Variants in SDK1 observed in about 807,000 individuals in gnomAD.
SDK1 encodes sidekick cell adhesion molecule 1, also known as protein sidekick-1.
SDK1 carries 157 observed loss-of-function variants against 245.5 expected under a neutral mutation model. That is an observed-to-expected ratio of 0.64 (90% CI 0.56 to 0.73). The LOEUF (loss-of-function observed/expected upper bound fraction) is 0.73, where lower values mean the gene tolerates loss of function less well. Among genes scored for constraint, SDK1 ranks in the 30% least tolerant of loss-of-function variants. The pLI, the probability that SDK1 is intolerant of heterozygous loss-of-function variation, is 0.00. For synonymous variants in SDK1, 1,647 were observed against 1,278.5 expected (o/e 1.29, Z -6.15); for missense variants, 3,583 against 3,002.3 (o/e 1.19, Z -4.52).
chr7:4,210,342 C>G (rs1784449328), intron 38 of SDK1, among the ~76,000 whole-genome samples, 180 bp downstream of exon 38: 1 of 152,194 alleles, frequency 6.6e-6, no homozygotes, highest in South Asian at 2.1e-4. Context: ...GGAGCGGGGA[C>G]TCGCGGGGAA....
At chr7:4,054,729 G>T (rs982670178) in intron 19 of SDK1, among the ~76,000 whole-genome samples, 1 of 152,022 alleles carries the variant, frequency 6.6e-6, no homozygotes, top group African/African-American at 2.4e-5. Context: ...ACATTCAGTC[G>T]TTCACTGTTA....
intron 11 of SDK1, among the ~76,000 whole-genome samples, chr7:3,971,218 C>A (rs908910166): frequency 1.3e-5 from 2 of 152,150 alleles, no homozygotes; most frequent in Admixed American, 6.5e-5. Flanking sequence ...TCAGTTACTT[C>A]CATGGTGTTT....
At chr7:3,508,997 G>T (rs571635750) in intron 1 of SDK1, among the ~76,000 whole-genome samples, 1 of 152,196 alleles carries the variant, frequency 6.6e-6, no homozygotes, top group Non-Finnish European at 1.5e-5. Context: ...ATCTGTGGCA[G>T]TGATGGTGGG....
intron 4 of SDK1, among the ~76,000 whole-genome samples, chr7:3,797,788 T>G (rs112837502): frequency 6.6e-6 from 1 of 152,170 alleles, no homozygotes; most frequent in Non-Finnish European, 1.5e-5. Flanking sequence ...TCAGAACTGT[T>G]TCTCTCCTGT....
intron 1 of SDK1, among the ~76,000 whole-genome samples, chr7:3,559,436 G>T (rs1420633719): frequency 6.6e-6 from 1 of 152,036 alleles, no homozygotes; most frequent in African/African-American, 2.4e-5. Flanking sequence ...GAACTTTTAT[G>T]TTTCTTTTGC....
At chr7:4,087,596 G>C (rs1393235989) in intron 22 of SDK1, among the ~76,000 whole-genome samples, 3 of 152,102 alleles carry the variant, frequency 2.0e-5, no homozygotes, top group Admixed American at 6.6e-5. Context: ...CTTTTCACTT[G>C]TTTAAATCTA....
At chr7:3,402,909 T>C (rs1778927478) in intron 1 of SDK1, among the ~76,000 whole-genome samples, 1 of 152,110 alleles carries the variant, frequency 6.6e-6, no homozygotes, top group Admixed American at 6.6e-5. Flanking sequence ...CTTTGGCTTA[T>C]TATGAATTAG....
At chr7:3,478,485 T>C (rs970688710) in intron 1 of SDK1, among the ~76,000 whole-genome samples, 2 of 152,048 alleles carry the variant, frequency 1.3e-5, no homozygotes, top group Non-Finnish European at 2.9e-5. Context: ...TATTTACATA[T>C]TCTCTTTAAA....
chr7:3,930,428 C>T (rs1779935568), intron 5 of SDK1, among the ~76,000 whole-genome samples: 1 of 152,134 alleles, frequency 6.6e-6, no homozygotes, highest in Non-Finnish European at 1.5e-5. Flanking sequence ...CACGTACACA[C>T]ACAAGTTTGA....
chr7:4,208,078 A>G, intron 36 of SDK1, 21 bp from the exon 37 acceptor site: 4 of 1,595,742 alleles, frequency 2.5e-6, no homozygotes, highest in South Asian at 1.1e-5. Flanking sequence ...ACCCACCCCA[A>G]CCTCTTGCTG....
In SDK1 at chr7:4,030,537, A is replaced by G. The variant is rs538219842; in HGVS notation, c.2602+13185A>G. On this transcript the variant is annotated intron_variant, in intron 17 of 44. Coordinates refer to ENST00000404826, the MANE Select transcript of SDK1 (RefSeq NM_152744.4). ...AGCAAGTTGGCACATGCCGTGACCTAGGAGGGCCCCTGGGGCACCTTCTCC... is the reference window on the plus strand; with the variant it reads ...AGCAAGTTGGCACATGCCGTGACCTGGGAGGGCCCCTGGGGCACCTTCTCC... 1.4e-4 allele frequency among the ~76,000 whole-genome samples: 21 copies of G among 152,320 alleles called. No homozygotes were observed. The South Asian group carries it at 4.1e-3, about 30-fold the overall frequency.
rs537172411 is a variant in SDK1 at position 4,236,729 on chromosome 7, G to A, written c.5993-918G>A. 4.2e-3 allele frequency among the ~76,000 whole-genome samples: 642 copies of A among 152,224 alleles called. 6 individuals are homozygous for A. Among genetic ancestry groups the A allele is most frequent in the African/African-American group, 0.015 (605 of 41,532 alleles). On this transcript the variant is annotated intron_variant, in intron 41 of 44. Coordinates refer to ENST00000404826, the MANE Select transcript of SDK1 (RefSeq NM_152744.4). ...TGGGTGATGTAAAGGATGGATCTGAGCAAGACAGGAGGAGGCGTAACAGGT... is the reference window on the plus strand; with the variant it reads ...TGGGTGATGTAAAGGATGGATCTGAACAAGACAGGAGGAGGCGTAACAGGT...
chr7:3,898,524 T>C lies in SDK1; in HGVS notation c.848-52399T>C, dbSNP rs1781679187. ...TTTCATGCACTTTGCCCTTTTCTGA[T>C]TGGTTTTAGACTCGGTACATTGCAA... On this transcript the variant is annotated intron_variant, in intron 5 of 44. Coordinates refer to ENST00000404826, the MANE Select transcript of SDK1 (RefSeq NM_152744.4). Among the ~76,000 whole-genome samples the C allele has an allele frequency of 2.0e-5, 3 of 152,314 alleles. No homozygotes were observed. The South Asian group carries it at 6.2e-4, about 32-fold the overall frequency.
chr7:3,619,647 A>C (rs535990710), intron 2 of SDK1, among the ~76,000 whole-genome samples: 2 of 152,198 alleles, frequency 1.3e-5, no homozygotes, highest in Non-Finnish European at 2.9e-5. Flanking sequence ...GTAGTCAGCA[A>C]AAGTCTTTCC....
At chr7:3,706,309 C>T (rs1001645187) in intron 4 of SDK1, among the ~76,000 whole-genome samples, 1 of 152,138 alleles carries the variant, frequency 6.6e-6, no homozygotes, top group Non-Finnish European at 1.5e-5. Flanking sequence ...TTCCCTCTTT[C>T]TCAGTCTTTT....
chr7:3,753,857 C>CT (rs2115067906), intron 4 of SDK1, among the ~76,000 whole-genome samples: 2 of 152,238 alleles, frequency 1.3e-5, no homozygotes, highest in East Asian at 3.9e-4. Flanking sequence ...TCCTTATTTT[C>CT]TTCTTTTTAC....
chr7:3,720,741 T>G (rs1392645794), intron 4 of SDK1, among the ~76,000 whole-genome samples: 1 of 152,234 alleles, frequency 6.6e-6, no homozygotes, highest in African/African-American at 2.4e-5. Flanking sequence ...AGCTACTGCA[T>G]TCTTGGGCAT....
At chr7:3,510,778 C>T (rs1168484691) in intron 1 of SDK1, among the ~76,000 whole-genome samples, 1 of 152,150 alleles carries the variant, frequency 6.6e-6, no homozygotes, top group African/African-American at 2.4e-5. Flanking sequence ...CTCAGTCTCT[C>T]CTACATCCAA....
At chr7:3,835,284 T>C (rs1321655633) in intron 5 of SDK1, among the ~76,000 whole-genome samples, 1 of 152,184 alleles carries the variant, frequency 6.6e-6, no homozygotes, top group Non-Finnish European at 1.5e-5. Flanking sequence ...TCCTCAATTA[T>C]CGACTCATGT....
Sources: gnomAD v4.1 joint callset for allele counts (sites outside exome capture counted in the v4.1 genomes callset) on GRCh38, gnomAD v4.1.1 for gene constraint, MANE v1.5 for transcripts, NCBI Gene and HGNC (gene_info 2026-07-23, HGNC 2026-07-21) for gene names.